Variants in STK32C observed in about 807,000 individuals in gnomAD.
The protein encoded by STK32C is serine/threonine-protein kinase 32C.
STK32C carries 31 observed loss-of-function variants against 56.5 expected under a neutral mutation model. The ratio of observed to expected loss-of-function variants is 0.55; its 90% CI spans 0.41 to 0.74. The LOEUF is 0.74. Among genes scored for constraint, STK32C ranks in the 30% least tolerant of loss-of-function variants. The pLI, the probability that STK32C is intolerant of heterozygous loss-of-function variation, is 0.00. For missense variants in STK32C, 544 were observed against 676.9 expected (o/e 0.80, Z 2.18); for synonymous variants, 309 against 289.4 (o/e 1.07, Z -0.69).
At chr10:132,280,435 C>T (rs117587817) in intron 1 of STK32C, among the ~76,000 whole-genome samples, 3,889 of 140,388 alleles carry the variant, frequency 0.028, 91 homozygotes, top group Middle Eastern at 0.063. Context: ...CACTGCACTC[C>T]GTGATCACGC....
At position 132,307,922 on chromosome 10, in the gene STK32C, G is replaced by A; in HGVS notation, c.-89C>T. ...CGGCAGTGGTAGCGGGAGCGCTCGG[G>A]GCCGGCAGCGCCCGCCGTGCGCTCT... is the stretch of plus-strand genomic sequence containing the variant. On this transcript the variant is annotated 5_prime_UTR_variant, in exon 1 of 12. Transcript: ENST00000298630. The surrounding 1 kb of genome is among the most constrained non-coding windows in gnomAD (Gnocchi z 4.4). 9.2e-7 allele frequency: 1 copy of A among 1,081,680 alleles called. No individual in the cohort carries two copies. Among genetic ancestry groups the A allele is most frequent in the Non-Finnish European group, 1.1e-6 (1 of 891,470 alleles). 67.0% of individuals were successfully genotyped at this position (1,081,680 alleles called of 1,614,324 possible). A position where few individuals can be genotyped will look rare whatever the true frequency, so the allele number is the denominator to read the frequency against.
At chr10:132,272,195 T>TG in intron 1 of STK32C, among the ~76,000 whole-genome samples, 1 of 152,264 alleles carries the variant, frequency 6.6e-6, no homozygotes, top group East Asian at 1.9e-4. Context: ...GTCACGTGGG[T>TG]GGGCCCAATC....
intron 1 of STK32C, among the ~76,000 whole-genome samples, chr10:132,251,079 C>A (rs1053802251): frequency 2.0e-5 from 3 of 152,176 alleles, no homozygotes; most frequent in Non-Finnish European, 4.4e-5. Flanking sequence ...CCCCAAGGAG[C>A]CCTGAGCCCC....
At chr10:132,313,851 G>T (rs1235065755) in intron 1 of STK32C, among the ~76,000 whole-genome samples, 1 of 152,266 alleles carries the variant, frequency 6.6e-6, no homozygotes, top group Non-Finnish European at 1.5e-5. Flanking sequence ...CGTGGAAGGT[G>T]CTAGCTCTGG....
chr10:132,259,643 G>GT (rs1397928442), intron 1 of STK32C, among the ~76,000 whole-genome samples: 6 of 152,182 alleles, frequency 3.9e-5, no homozygotes, highest in African/African-American at 1.2e-4. Flanking sequence ...CACCATGACT[G>GT]TAAGTTTCCT....
At chr10:132,227,102 G>A (rs2062917448) in intron 3 of STK32C, 134 bp from the exon 4 acceptor site, 1 of 1,072,340 alleles carries the variant, frequency 9.3e-7, no homozygotes, top group Non-Finnish European at 1.3e-6. Flanking sequence ...CCAGGAGGAG[G>A]GGCCTGCCCA....
chr10:132,237,179 T>A (rs927524134), intron 2 of STK32C, among the ~76,000 whole-genome samples: 1 of 51,582 alleles, frequency 1.9e-5, no homozygotes, highest in African/African-American at 3.9e-5. Context: ...ACTCCCTGAC[T>A]GTGCTCCCTG....
intron 1 of STK32C, among the ~76,000 whole-genome samples, chr10:132,249,832 G>GC (rs2063833571): frequency 6.6e-6 from 1 of 152,214 alleles, no homozygotes; most frequent in Non-Finnish European, 1.5e-5. Context: ...TCTCCGCACT[G>GC]CCCCAGGCTG....
At chr10:132,248,338 C>T (rs1053968215) in intron 1 of STK32C, among the ~76,000 whole-genome samples, 2 of 152,220 alleles carry the variant, frequency 1.3e-5, no homozygotes, top group Admixed American at 6.5e-5. Context: ...CAGCAGCAAC[C>T]CCAACAGGAC....
intron 1 of STK32C, 135 bp from the exon 2 acceptor site, chr10:132,246,090 G>T (rs1044353357): frequency 1.1e-6 from 1 of 869,994 alleles, no homozygotes. Flanking sequence ...CCGTGGGGCG[G>T]GCCAAACTCT....
At chr10:132,285,884 G>A (rs1394521186) in intron 1 of STK32C, among the ~76,000 whole-genome samples, 1 of 152,216 alleles carries the variant, frequency 6.6e-6, no homozygotes, top group Non-Finnish European at 1.5e-5. Flanking sequence ...CACTTTGGGA[G>A]GCCGAGGCGG....
intron 1 of STK32C, among the ~76,000 whole-genome samples, chr10:132,278,012 C>T (rs914404471): frequency 2.6e-5 from 4 of 152,180 alleles, no homozygotes; most frequent in African/African-American, 9.7e-5. Flanking sequence ...GGAGTTCCTC[C>T]CCAGTTCCCT....
At chr10:132,288,402 A>G (rs1159915589) in intron 1 of STK32C, among the ~76,000 whole-genome samples, 2 of 152,244 alleles carry the variant, frequency 1.3e-5, no homozygotes, top group Admixed American at 6.5e-5. Context: ...ACCATTAAGA[A>G]CTAAAGAGGA....
At position 132,228,293 on chromosome 10, in the gene STK32C, C is replaced by A. The variant is rs1382784721; in HGVS notation, c.319-165G>T. The A allele has an allele frequency of 1.3e-5, 10 of 755,878 alleles. No homozygotes were observed. In the East Asian group the frequency reaches 2.4e-4, roughly 18 times the overall value. The allele number at this position is 755,878 out of a possible 1,614,324, so 46.8% of individuals were successfully genotyped here. A position where few individuals can be genotyped will look rare whatever the true frequency, so the allele number is the denominator to read the frequency against. On this transcript the variant is annotated intron_variant, in intron 2 of 11. Coordinates refer to ENST00000298630, the MANE Select transcript of STK32C (RefSeq NM_173575.4). ...CCTCCTAGACGCGGCAGGTGCATTC[C>A]TCTCTGCCACATATGGTAACATATT...
rs2062162301 is a variant in STK32C, at chr10:132,208,226, G to A, written c.1320-75C>T. On this transcript the variant is annotated intron_variant, in intron 11 of 11. Transcript: ENST00000298630. ...CTCACGGTCCCATGACCTGCCCACG[G>A]GCTCATGGGGTAGGCCATGGCGTGG... 3 of 1,271,426 alleles carry A rather than the reference G, an allele frequency of 2.4e-6. No homozygotes were observed. The Admixed American group carries it at 1.1e-4, about 48-fold the overall frequency. The allele number at this position is 1,271,426 out of a possible 1,614,324, so 78.8% of individuals were successfully genotyped here.
At chr10:132,325,552 T>TA (rs563291590) in intron 1 of STK32C, among the ~76,000 whole-genome samples, 23,627 of 141,344 alleles carry the variant, frequency 0.17, 2,572 homozygotes, top group East Asian at 0.3. Context: ...GAGTCCGTCT[T>TA]AAAAAAAAAA....
At chr10:132,237,850 C>T (rs908894293) in intron 2 of STK32C, among the ~76,000 whole-genome samples, 3 of 152,196 alleles carry the variant, frequency 2.0e-5, no homozygotes, top group Non-Finnish European at 4.4e-5. Context: ...ATTTAGGAAC[C>T]TCCAGCTGCC....
Position 132,223,579 on chromosome 10 carries a change from C to G in STK32C, c.994-593G>C, listed in dbSNP as rs1334610070. On this transcript the variant is annotated intron_variant, in intron 8 of 11. Coordinates refer to ENST00000298630, the MANE Select transcript of STK32C (RefSeq NM_173575.4). The stretch of plus-strand genomic sequence containing the variant: ...AGCCCAGTGCCACCTTGTGAGCCAC[C>G]TGGGCAGGTGTGACTGAGCTTCGTG... Among the ~76,000 whole-genome samples the G allele has an allele frequency of 5.9e-5, 9 of 152,258 alleles. No individual in the cohort carries two copies. The East Asian group carries it at 1.7e-3, about 29-fold the overall frequency.
At chr10:132,240,072 C>A (rs1354412758) in intron 2 of STK32C, among the ~76,000 whole-genome samples, 2 of 150,920 alleles carry the variant, frequency 1.3e-5, no homozygotes, top group African/African-American at 2.4e-5. Context: ...GAGCACGAGG[C>A]CCCCCCCAAA....
Sources: allele counts gnomAD v4.1 joint callset (sites outside exome capture counted in the v4.1 genomes callset), GRCh38; gene constraint gnomAD v4.1.1; non-coding constraint Gnocchi (gnomAD v3.1); transcripts MANE v1.5; gene names NCBI Gene and HGNC (gene_info 2026-07-23, HGNC 2026-07-21).